Variants in DAB1 observed in about 807,000 individuals in gnomAD.
The protein encoded by DAB1 is DAB adaptor protein 1.
DAB1 carries 15 observed loss-of-function variants against 64.6 expected under a neutral mutation model. The ratio of observed to expected loss-of-function variants is 0.23; its 90% CI spans 0.16 to 0.36. The LOEUF (loss-of-function observed/expected upper bound fraction) is 0.36, where lower values mean the gene tolerates loss of function less well. DAB1 is among the 10% of genes least tolerant of loss of function. DAB1 has a pLI of 1.00. For synonymous variants in DAB1, 235 were observed against 251.9 expected, an observed-to-expected ratio of 0.93 and a Z score of 0.64; for missense variants, 596 against 706.7, an observed-to-expected ratio of 0.84 and a Z score of 1.78.
chr1:58,114,727 C>T (rs1437415541), intron 5 of DAB1, among the ~76,000 whole-genome samples: 1 of 152,196 alleles, frequency 6.6e-6, no homozygotes, highest in Non-Finnish European at 1.5e-5. Context: ...TTTACAGCAG[C>T]AGACACTGCA....
chr1:58,213,148 G>A (rs1658643747), intron 4 of DAB1, among the ~76,000 whole-genome samples: 1 of 152,130 alleles, frequency 6.6e-6, no homozygotes, highest in Non-Finnish European at 1.5e-5. Context: ...ATTTGCAAAG[G>A]TCAAATTTGG....
chr1:58,520,900 GA>G (rs1035816541), intron 2 of DAB1, among the ~76,000 whole-genome samples: 1 of 151,454 alleles, frequency 6.6e-6, no homozygotes, highest in Non-Finnish European at 1.5e-5. Context: ...CAAAAAAAAG[GA>G]AAAAAAATCA....
chr1:57,131,598 T>A (rs1657655507), intron 4 of DAB1, among the ~76,000 whole-genome samples: 1 of 152,216 alleles, frequency 6.6e-6, no homozygotes, highest in African/African-American at 2.4e-5. Flanking sequence ...TCTCCAAACC[T>A]TGCTCAAAAC....
intron 4 of DAB1, among the ~76,000 whole-genome samples, chr1:58,299,506 C>T (rs923945570): frequency 3.9e-5 from 6 of 152,088 alleles, no homozygotes; most frequent in African/African-American, 1.4e-4. Context: ...TGCAGAGGTG[C>T]ATGTATGCAA....
At chr1:57,507,083 C>T (rs1005541453) in intron 7 of DAB1, among the ~76,000 whole-genome samples, 3 of 152,184 alleles carry the variant, frequency 2.0e-5, no homozygotes, top group African/African-American at 7.2e-5. Context: ...TGTAGCCCCA[C>T]TGCTAAAAAA....
At chr1:57,528,137 A>G (rs1644615688) in intron 7 of DAB1, among the ~76,000 whole-genome samples, 2 of 152,132 alleles carry the variant, frequency 1.3e-5, no homozygotes, top group African/African-American at 4.8e-5. Flanking sequence ...GTTGGACACA[A>G]TCAGCAAAGA....
intron 9 of DAB1, among the ~76,000 whole-genome samples, chr1:57,060,842 A>AT (rs35361720): frequency 9.1e-4 from 135 of 147,988 alleles, no homozygotes; most frequent in South Asian, 1.3e-3. Context: ...AGGAGCTTGG[A>AT]TTTTTTTTTT....
intron 1 of DAB1, among the ~76,000 whole-genome samples, chr1:57,353,304 T>C (rs1558222735): frequency 6.6e-6 from 1 of 152,052 alleles, no homozygotes; most frequent in African/African-American, 2.4e-5. Context: ...CTAGACCTGA[T>C]TACACGGTTG....
chr1:57,489,683 T>A (rs1644138274), intron 7 of DAB1, among the ~76,000 whole-genome samples: 2 of 152,284 alleles, frequency 1.3e-5, no homozygotes, highest in South Asian at 4.1e-4. Flanking sequence ...GAACCTTTGC[T>A]GAATGAAACA....
intron 3 of DAB1, among the ~76,000 whole-genome samples, chr1:58,353,555 T>G (rs10736395): frequency 0.5 from 75,911 of 151,894 alleles, 18,946 homozygotes; most frequent in East Asian, 0.59. Context: ...AATTAGTGGA[T>G]GGGGAAAAGA....
chr1:58,386,209 C>A (rs930195914), intron 3 of DAB1, among the ~76,000 whole-genome samples: 1 of 152,060 alleles, frequency 6.6e-6, no homozygotes, highest in Non-Finnish European at 1.5e-5. Context: ...AAAACATGAG[C>A]CCTGAGAAAT....
chr1:58,284,560 T>C (rs1661639414), intron 4 of DAB1, among the ~76,000 whole-genome samples: 1 of 152,282 alleles, frequency 6.6e-6, no homozygotes, highest in African/African-American at 2.4e-5. Flanking sequence ...CATGGCACAG[T>C]TACCTGGCCC....
intron 5 of DAB1, among the ~76,000 whole-genome samples, chr1:58,081,785 G>A (rs1266997759): frequency 6.6e-6 from 1 of 152,148 alleles, no homozygotes; most frequent in African/African-American, 2.4e-5. Context: ...GCCTTAGAGA[G>A]CAGTAAATGA....
chr1:57,092,594 G>A (rs517291), intron 4 of DAB1, among the ~76,000 whole-genome samples: 78,849 of 150,182 alleles, frequency 0.53, 21,056 homozygotes, highest in South Asian at 0.64. Context: ...GAAACTGTGA[G>A]TCAATGAAAC....
intron 3 of DAB1, among the ~76,000 whole-genome samples, chr1:58,381,481 T>C (rs1489671896): frequency 6.6e-6 from 1 of 152,114 alleles, no homozygotes; most frequent in Non-Finnish European, 1.5e-5. Flanking sequence ...ATACAGAGAA[T>C]AAATGATAGA....
intron 1 of DAB1, among the ~76,000 whole-genome samples, chr1:57,316,739 CA>C (rs1334422619): frequency 1.3e-5 from 2 of 152,134 alleles, no homozygotes; most frequent in Non-Finnish European, 2.9e-5. Context: ...TGCTGGGAGC[CA>C]AAAAATTCCC....
chr1:57,559,673 T>C (rs1645029371), intron 7 of DAB1, among the ~76,000 whole-genome samples: 2 of 152,184 alleles, frequency 1.3e-5, no homozygotes, highest in African/African-American at 4.8e-5. Context: ...GGACTCATCC[T>C]GTAGTCATTT....
At chr1:57,330,706 C>A (rs1036705512) in intron 1 of DAB1, among the ~76,000 whole-genome samples, 4 of 152,080 alleles carry the variant, frequency 2.6e-5, no homozygotes, top group Non-Finnish European at 5.9e-5. Context: ...GTCCCCGGTG[C>A]CCCACGCAGT....
At chr1:57,474,617 A>G (rs542147290) in intron 7 of DAB1, among the ~76,000 whole-genome samples, 133 of 152,298 alleles carry the variant, frequency 8.7e-4, no homozygotes, top group African/African-American at 3.2e-3. Flanking sequence ...CCAAAAAGAA[A>G]TATCCTATTA....
Sources: gnomAD v4.1 joint callset for allele counts (sites outside exome capture counted in the v4.1 genomes callset) on GRCh38, gnomAD v4.1.1 for gene constraint, MANE v1.5 for transcripts, NCBI Gene and HGNC (gene_info 2026-07-23, HGNC 2026-07-21) for gene names.